SLC12A5: variants seen among roughly 807,000 people sequenced by gnomAD.
SLC12A5 encodes K-Cl cotransporter 2.
A neutral mutation model predicts 124.0 loss-of-function variants in SLC12A5; 18 were observed. The observed-to-expected ratio is 0.15, with a 90% CI of 0.10 to 0.22. SLC12A5 has a LOEUF of 0.22. Among genes scored for constraint, SLC12A5 ranks in the 10% least tolerant of loss-of-function variants. The probability of loss-of-function intolerance (pLI) is 1.00; values close to 1 mark genes in which losing one functional copy is unlikely to be tolerated. For missense variants in SLC12A5, 867 were observed against 1,478.7 expected, an observed-to-expected ratio of 0.59 and a Z score of 6.78; for synonymous variants, 589 against 568.0, an observed-to-expected ratio of 1.04 and a Z score of -0.53.
rs73112836 is a variant in SLC12A5, at chr20:46,055,058, A to G, written c.2787+35A>G. The G allele has an allele frequency of 6.1e-3, 9,320 of 1,523,174 alleles. 49 individuals are homozygous for G. Among genetic ancestry groups the G allele is most frequent in the Non-Finnish European group, 7.9e-3 (8,685 of 1,097,884 alleles). The allele number at this position is 1,523,174 out of a possible 1,614,324, so 94.4% of individuals were successfully genotyped here. The stretch of plus-strand genomic sequence containing the variant: ...CCCTGGCTGGCCCCTGAGAGCCTCA[A>G]ACTGCTGCCAGTTCTGGGTGGCAGG... On this transcript the variant is annotated intron_variant, in intron 21 of 25. Coordinates refer to ENST00000243964, the MANE Select transcript of SLC12A5 (RefSeq NM_020708.5).
At position 46,043,242 on chromosome 20, in the gene SLC12A5, G is replaced by A. The variant is rs200798560; in HGVS notation, c.1156G>A (p.Asp386Asn). ...SVGLADGTPIDMDHPYVFSDM... is the reference protein window; with the variant it reads ...SVGLADGTPINMDHPYVFSDM... Reference sequence around the variant, plus strand: ...GGGCCTGGCCGATGGCACTCCTATCGACATGGACCACCCTTATGTCTTCAG... The same window carrying A: ...GGGCCTGGCCGATGGCACTCCTATCAACATGGACCACCCTTATGTCTTCAG... Residue 386 changes from aspartate (D) to asparagine (N), a missense_variant, in exon 9 of 26, where the codon GAC becomes AAC. Physicochemically the swap from Asp to Asn is conservative, Grantham distance 23. Around this residue, in one of 9 missense-constraint regions of SLC12A5, gnomAD observed 127 missense variants for 164.1 expected, o/e 0.77. Coordinates refer to ENST00000243964, the MANE Select transcript of SLC12A5 (RefSeq NM_020708.5). The A allele has an allele frequency of 2.9e-5, 46 of 1,613,978 alleles. No homozygotes were observed. Among genetic ancestry groups the A allele is most frequent in the African/African-American group, 2.7e-5 (2 of 74,958 alleles).
Position 46,043,916 on chromosome 20 carries a change from G to T in SLC12A5, c.1377G>T (p.Gly459=), listed in dbSNP as rs2084571033. 6.2e-7 allele frequency: 1 copy of T among 1,608,184 alleles called. No homozygotes were observed. Among genetic ancestry groups the T allele is most frequent in the Non-Finnish European group, 8.5e-7 (1 of 1,177,088 alleles). ...TTCTGTTTGGGGCCTGCATTGAGGG[G>T]GTCGTCCTGCGGGACAAGTAAGATA... is the stretch of plus-strand genomic sequence containing the variant. ...SVVLFGACIE[G]VVLRDKFGEA... The change falls in exon 11 of 26, where the codon GGG becomes GGT. Residue 459 remains glycine (G), a synonymous_variant. Transcript: ENST00000243964.
At chr20:46,035,595 T>TTG in intron 3 of SLC12A5, 60 bp downstream of exon 3, 1 of 480,898 alleles carries the variant, frequency 2.1e-6, no homozygotes, top group Non-Finnish European at 3.4e-6. Context: ...TGGGGGAGGA[T>TTG]GGGGGAGGAA....
In SLC12A5 at chr20:46,058,822, A is replaced by C. The variant is rs2084722620; in HGVS notation, c.*1217A>C. The C allele has an allele frequency of 2.5e-6, 1 of 397,768 alleles. No individual in the cohort carries two copies. The highest frequency in any genetic ancestry group is 3.6e-5 in the East Asian group (1 of 28,056). The allele number at this position is 397,768 out of a possible 1,614,324, so 24.6% of individuals were successfully genotyped here. ...CCCGTGATGTTCCTCCCCCGTCCCC[A>C]TCTGGCAGCTCCTGTCTCGCCTGAG... On this transcript the variant is annotated 3_prime_UTR_variant, in exon 26 of 26. Coordinates refer to ENST00000243964, the MANE Select transcript of SLC12A5 (RefSeq NM_020708.5). The surrounding 1 kb of genome is among the most constrained non-coding windows in gnomAD (Gnocchi z 5.8).
rs752463505 is a variant in SLC12A5, at chr20:46,045,988, C to A, written c.1680C>A (p.Ile560=). ...LIASLDEVAP[I]LSMFFLMCYM... is the part of the protein sequence containing the mutation. ...CATCCCTCGACGAGGTGGCCCCCATCCTCTCTATGTGCGTGCCTGACTTCT... is the reference window on the plus strand; with the variant it reads ...CATCCCTCGACGAGGTGGCCCCCATACTCTCTATGTGCGTGCCTGACTTCT... The change falls in exon 13 of 26, where the codon ATC becomes ATA. Residue 560 remains isoleucine (I), a synonymous_variant. Coordinates refer to ENST00000243964, the MANE Select transcript of SLC12A5 (RefSeq NM_020708.5). The surrounding 1 kb of genome is among the most constrained non-coding windows in gnomAD (Gnocchi z 4.9). 5 of 1,613,956 alleles carry A rather than the reference C, an allele frequency of 3.1e-6. No individual in the cohort carries two copies. The highest frequency in any genetic ancestry group is 4.2e-6 in the Non-Finnish European group (5 of 1,179,862).
At chr20:46,040,919 C>T (rs926282817) in intron 7 of SLC12A5, 14 of 441,636 alleles carry the variant, frequency 3.2e-5, no homozygotes, top group Middle Eastern at 6.3e-4. Context: ...GTAGGGAAAC[C>T]TTTCCTGGGT....
In SLC12A5 at chr20:46,056,214, T is replaced by C; in HGVS notation, c.2852T>C (p.Leu951Pro). The C allele has an allele frequency of 6.2e-7, 1 of 1,614,138 alleles. No individual in the cohort carries two copies. Among genetic ancestry groups the C allele is most frequent in the Non-Finnish European group, 8.5e-7 (1 of 1,180,020 alleles). ...AGAAAGAATCCAGCCAACACGCGGC[T>C]CCGCCTGAACGTCCCAGAAGAGACG... ...IRRKNPANTR[L>P]RLNVPEETAG... Residue 951 changes from leucine to proline, a missense_variant, in exon 22 of 26, where the codon CTC (leucine) becomes CCC (proline). Transcript: ENST00000243964. This position sits in a 1 kb window ranked among gnomAD's most constrained non-coding sequence, Gnocchi z 4.3.
chr20:46,043,419 C>T (rs1013112208), intron 9 of SLC12A5, 96 bp downstream of exon 9: 17 of 1,466,764 alleles, frequency 1.2e-5, no homozygotes, highest in Non-Finnish European at 1.4e-5. Flanking sequence ...CCAAAAACCC[C>T]ATCATGAAAG....
At position 46,051,888 on chromosome 20, in the gene SLC12A5, TG is replaced by T; in HGVS notation, c.2377+22del. On this transcript the variant is annotated intron_variant, in intron 18 of 25. Coordinates refer to ENST00000243964, the MANE Select transcript of SLC12A5 (RefSeq NM_020708.5). ...CTTCATTGGTAACGCTATTGGGGGCTGGGGACAGAAGAGGGGTGGGGCTGGG... is the reference window on the plus strand; with the variant it reads ...CTTCATTGGTAACGCTATTGGGGGCTGGGACAGAAGAGGGGTGGGGCTGGG... 5 of 340,834 alleles carry T rather than the reference TG, an allele frequency of 1.5e-5. No individual in the cohort carries two copies. The highest frequency in any genetic ancestry group is 1.3e-5 in the Non-Finnish European group (3 of 225,952). 21.1% of individuals were successfully genotyped at this position (340,834 alleles called of 1,614,324 possible).
At chr20:46,054,869 CG>C in intron 20 of SLC12A5, 46 bp from the exon 21 acceptor site, 2 of 1,404,746 alleles carry the variant, frequency 1.4e-6, no homozygotes, top group Middle Eastern at 3.5e-4. Context: ...TGCTTTCCTC[CG>C]TGTTCCTCTC....
At chr20:46,054,770 A>T in intron 20 of SLC12A5, 146 bp from the exon 21 acceptor site, 1 of 615,530 alleles carries the variant, frequency 1.6e-6, no homozygotes, top group Non-Finnish European at 2.9e-6. Context: ...CCTTGACAAA[A>T]TTAATGATTG....
intron 16 of SLC12A5, 96 bp from the exon 17 acceptor site, chr20:46,049,526 A>G: frequency 6.9e-7 from 1 of 1,452,480 alleles, no homozygotes; most frequent in Non-Finnish European, 9.4e-7. Flanking sequence ...AGATGGTTAT[A>G]GAGGAGAGAT....
chr20:46,038,098 C>T (rs920256691), intron 6 of SLC12A5: 1 of 152,242 alleles, frequency 6.6e-6, no homozygotes, highest in Non-Finnish European at 1.5e-5. Context: ...GCTGACATGT[C>T]CCAAGCCCCT....
In SLC12A5 at chr20:46,059,384, CA is replaced by C; in HGVS notation, c.*1780del. 1 of 393,866 alleles carries C rather than the reference CA, an allele frequency of 2.5e-6. No individual in the cohort carries two copies. Among genetic ancestry groups the C allele is most frequent in the Non-Finnish European group, 4.5e-6 (1 of 223,604 alleles). The allele number at this position is 393,866 out of a possible 1,614,324, so 24.4% of individuals were successfully genotyped here. ...CACCAAGTCCCCTCTGAGATTCGAT[CA>C]GGGGACTGGATAGATTCTTTCAGGT... On this transcript the variant is annotated 3_prime_UTR_variant, in exon 26 of 26. Coordinates refer to ENST00000243964, the MANE Select transcript of SLC12A5 (RefSeq NM_020708.5).
In SLC12A5 at chr20:46,057,951, C is replaced by T. The variant is rs978483386; in HGVS notation, c.*346C>T. 19 of 216,642 alleles carry T rather than the reference C, an allele frequency of 8.8e-5. No individual in the cohort carries two copies. Among genetic ancestry groups the T allele is most frequent in the African/African-American group, 4.3e-4 (19 of 43,720 alleles). 13.4% of individuals were successfully genotyped at this position (216,642 alleles called of 1,614,324 possible). Reference sequence around the variant, plus strand: ...CTTGGGGACCCCCAGGTAGTCCATGCGGCCCATTCCTCCCCTTCCCACTCC... The same window carrying T: ...CTTGGGGACCCCCAGGTAGTCCATGTGGCCCATTCCTCCCCTTCCCACTCC... On this transcript the variant is annotated 3_prime_UTR_variant, in exon 26 of 26. Coordinates refer to ENST00000243964, the MANE Select transcript of SLC12A5 (RefSeq NM_020708.5). This position sits in a 1 kb window ranked among gnomAD's most constrained non-coding sequence, Gnocchi z 7.1.
Position 46,043,219 on chromosome 20 carries a change from G to T in SLC12A5, c.1133G>T (p.Gly378Val), listed in dbSNP as rs1410919515. 6.2e-7 allele frequency: 1 copy of T among 1,613,752 alleles called. No homozygotes were observed. Among genetic ancestry groups the T allele is most frequent in the South Asian group, 1.1e-5 (1 of 91,060 alleles). Reference protein sequence around the residue: ...IVERSGMTSVGLADGTPIDMD... With the variant: ...IVERSGMTSVVLADGTPIDMD... ...GAGAGGAGTGGGATGACCTCGGTGG[G>T]CCTGGCCGATGGCACTCCTATCGAC... is the stretch of plus-strand genomic sequence containing the variant. The change falls in exon 9 of 26, where the codon GGC becomes GTC. Residue 378 changes from glycine (G) to valine (V), a missense_variant. Physicochemically the swap from Gly to Val is moderately radical, Grantham distance 109. Coordinates refer to ENST00000243964, the MANE Select transcript of SLC12A5 (RefSeq NM_020708.5).
chr20:46,025,810 G>A (rs548129834), upstream of SLC12A5, among the ~76,000 whole-genome samples: 3 of 152,182 alleles, frequency 2.0e-5, no homozygotes, highest in Non-Finnish European at 4.4e-5. Context: ...CATGCGGGTG[G>A]GGAAGAAGAA....
At chr20:46,029,806 G>C (rs561274160) in intron 1 of SLC12A5, among the ~76,000 whole-genome samples, 14 of 152,016 alleles carry the variant, frequency 9.2e-5, no homozygotes, top group Non-Finnish European at 1.6e-4. Flanking sequence ...GGCGCAGTCT[G>C]CTGCAGTCCC....
rs1018598844 is a variant in SLC12A5, at chr20:46,030,532, T to C, written c.52+1136T>C. On this transcript the variant is annotated intron_variant, in intron 1 of 25. Transcript: ENST00000243964. Reference sequence around the variant, plus strand: ...TGTCAGCCACCCCCACCCCCCACTCTCCAGCGGCGCTGCGTCCCCTGCGCA... The same window carrying C: ...TGTCAGCCACCCCCACCCCCCACTCCCCAGCGGCGCTGCGTCCCCTGCGCA... Among the ~76,000 whole-genome samples, 17 of 75,658 alleles carry C rather than the reference T, an allele frequency of 2.2e-4. No homozygotes were observed. The South Asian group carries it at 3.6e-3, about 16-fold the overall frequency. The allele number at this position is 75,658 out of a possible 152,430, so 49.6% of individuals were successfully genotyped here. A position where few individuals can be genotyped will look rare whatever the true frequency, so the allele number is the denominator to read the frequency against.
Sources: allele counts gnomAD v4.1 joint callset (sites outside exome capture counted in the v4.1 genomes callset), GRCh38; gene constraint gnomAD v4.1.1; regional missense constraint gnomAD v4.1.1; non-coding constraint Gnocchi (gnomAD v3.1); transcripts MANE v1.5; gene names NCBI Gene and HGNC (gene_info 2026-07-23, HGNC 2026-07-21).